Variants in SLIT1 observed in about 807,000 individuals in gnomAD.
SLIT1 encodes slit homolog 1 protein.
In SLIT1, 66 loss-of-function variants were observed where a neutral mutation model predicts 186.1. The ratio of observed to expected loss-of-function variants is 0.35; its 90% CI spans 0.29 to 0.44. The LOEUF (loss-of-function observed/expected upper bound fraction) is 0.44, where lower values mean the gene tolerates loss of function less well. SLIT1 is among the 20% of genes least tolerant of loss of function. SLIT1 has a pLI of 1.00. For missense variants in SLIT1, 1,638 were observed against 2,037.4 expected (o/e 0.80, Z 3.77); for synonymous variants, 761 against 833.8 (o/e 0.91, Z 1.50).
Position 97,002,998 on chromosome 10 carries a change from G to A in SLIT1, c.3866-6C>T. On this transcript the variant is annotated splice_polypyrimidine_tract_variant and splice_region_variant and intron_variant, in intron 34 of 36. Transcript: ENST00000266058. ...GTTGACATCCACGGGCATCCCTGGG[G>A]TAGGGGAGGGAGCAGAGCTGGGCTG... 1 of 1,611,762 alleles carries A rather than the reference G, an allele frequency of 6.2e-7. No homozygotes were observed. The highest frequency in any genetic ancestry group is 1.1e-5 in the South Asian group (1 of 90,746).
At chr10:97,185,378 C>G in intron 1 of SLIT1, 100 bp downstream of exon 1, 1 of 1,188,102 alleles carries the variant, frequency 8.4e-7, no homozygotes, top group East Asian at 2.7e-5. Flanking sequence ...GGAGCCCGGA[C>G]GGGCCCCAAT....
intron 4 of SLIT1, among the ~76,000 whole-genome samples, chr10:97,133,261 A>G (rs1439738968): frequency 6.6e-6 from 1 of 152,224 alleles, no homozygotes; most frequent in Non-Finnish European, 1.5e-5. Context: ...TCATAAAAAG[A>G]TACACACTGG....
At chr10:97,132,123 G>A (rs1564683507) in intron 4 of SLIT1, among the ~76,000 whole-genome samples, 1 of 152,166 alleles carries the variant, frequency 6.6e-6, no homozygotes, top group African/African-American at 2.4e-5. Context: ...GGACCCCTGG[G>A]GTGTCCAAAC....
At chr10:97,144,373 A>T (rs1849795846) in intron 4 of SLIT1, among the ~76,000 whole-genome samples, 1 of 152,248 alleles carries the variant, frequency 6.6e-6, no homozygotes, top group African/African-American at 2.4e-5. Flanking sequence ...AATCTAATGA[A>T]GAACTCTACA....
chr10:97,166,507 ACT>A (rs1439603246), intron 1 of SLIT1, among the ~76,000 whole-genome samples: 1 of 134,126 alleles, frequency 7.5e-6, no homozygotes, highest in Non-Finnish European at 1.6e-5. Context: ...CAAGAACAAA[ACT>A]CTGTCTCCAA....
rs1197240105 is a variant in SLIT1, at chr10:97,043,899, T to C, written c.1854-386A>G. Among the ~76,000 whole-genome samples, 1 of 152,110 alleles carries C rather than the reference T, an allele frequency of 6.6e-6. No individual in the cohort carries two copies. The highest frequency in any genetic ancestry group is 2.4e-5 in the African/African-American group (1 of 41,396). ...TGTCACTCTCCAGCTTAAAGTCCACTAACAGCCTCCAAACTGCCCACCGAG... is the reference window on the plus strand; with the variant it reads ...TGTCACTCTCCAGCTTAAAGTCCACCAACAGCCTCCAAACTGCCCACCGAG... On this transcript the variant is annotated intron_variant, in intron 18 of 36. Coordinates refer to ENST00000266058, the MANE Select transcript of SLIT1 (RefSeq NM_003061.3). This position sits in a 1 kb window ranked among gnomAD's most constrained non-coding sequence, Gnocchi z 7.0.
At position 96,999,680 on chromosome 10, in the gene SLIT1, A is replaced by C. The variant is rs774364495; in HGVS notation, c.*1432T>G. On this transcript the variant is annotated 3_prime_UTR_variant, in exon 37 of 37. Transcript: ENST00000266058. ...ACATTTTCACTGTGTATGGAAGAGA[A>C]GACAACGTGGGCAGGCAATCGTATA... 6.6e-6 allele frequency: 1 copy of C among 152,284 alleles called. No individual in the cohort carries two copies. The highest frequency in any genetic ancestry group is 1.5e-5 in the Non-Finnish European group (1 of 68,078). 9.4% of individuals were successfully genotyped at this position (152,284 alleles called of 1,614,324 possible).
In SLIT1 at chr10:97,113,594, C is replaced by T. The variant is rs144604145; in HGVS notation, c.413+44224G>A. On this transcript the variant is annotated intron_variant, in intron 4 of 36. Transcript: ENST00000266058. Reference sequence around the variant, plus strand: ...TTTGACGGAGTTTTGCTCCTGTTGCCCAGGCTGGAGTGCAATGGTGCGATC... The same window carrying T: ...TTTGACGGAGTTTTGCTCCTGTTGCTCAGGCTGGAGTGCAATGGTGCGATC... Among the ~76,000 whole-genome samples, 29 of 150,810 alleles carry T rather than the reference C, an allele frequency of 1.9e-4. 2 individuals are homozygous for T. In the East Asian group the frequency reaches 5.7e-3, roughly 30 times the overall value.
At chr10:97,146,526 G>C (rs968127397) in intron 4 of SLIT1, among the ~76,000 whole-genome samples, 2 of 151,916 alleles carry the variant, frequency 1.3e-5, no homozygotes, top group African/African-American at 4.8e-5. Flanking sequence ...CTTCTTTAGG[G>C]CTCTGTGACT....
intron 1 of SLIT1, among the ~76,000 whole-genome samples, chr10:97,166,545 A>G (rs1439868750): frequency 5.6e-5 from 2 of 35,934 alleles, no homozygotes; most frequent in Non-Finnish European, 6.9e-5. Context: ...GAAGGAAGGA[A>G]GGAAGGAAGG....
At chr10:97,162,251 T>C (rs780920196) in intron 3 of SLIT1, among the ~76,000 whole-genome samples, 5 of 152,250 alleles carry the variant, frequency 3.3e-5, no homozygotes, top group Non-Finnish European at 7.3e-5. Flanking sequence ...TTCACTGTTC[T>C]TCAGAAATGT....
At position 97,043,955 on chromosome 10, in the gene SLIT1, A is replaced by C. The variant is rs1209922736; in HGVS notation, c.1854-442T>G. The stretch of plus-strand genomic sequence containing the variant: ...CTCGAACTCCTTACTGTGACCTGAG[A>C]CCATGTCTACCCAGACCCGGACCAT... On this transcript the variant is annotated intron_variant, in intron 18 of 36. Coordinates refer to ENST00000266058, the MANE Select transcript of SLIT1 (RefSeq NM_003061.3). This position sits in a 1 kb window ranked among gnomAD's most constrained non-coding sequence, Gnocchi z 7.0. 6.6e-6 allele frequency among the ~76,000 whole-genome samples: 1 copy of C among 152,008 alleles called. No individual in the cohort carries two copies. The highest frequency in any genetic ancestry group is 1.5e-5 in the Non-Finnish European group (1 of 68,004).
In SLIT1 at chr10:97,002,812, T is replaced by C; in HGVS notation, c.4046A>G (p.His1349Arg). Reference sequence around the variant, plus strand: ...GGTGGCATTGGGCTGGCAGATGCCATGCAGGCAGTAGAGCTTGCGGCAGGG... The same window carrying C: ...GGTGGCATTGGGCTGGCAGATGCCACGCAGGCAGTAGAGCTTGCGGCAGGG... ...CEPCRKLYCLHGICQPNATPG... is the reference protein window; with the variant it reads ...CEPCRKLYCLRGICQPNATPG... Residue 1349 changes from histidine to arginine, a missense_variant, in exon 35 of 37, where the codon CAT (histidine) becomes CGT (arginine). Around this residue, in one of 3 missense-constraint regions of SLIT1, gnomAD observed 173 missense variants for 290.9 expected, o/e 0.59. Transcript: ENST00000266058. 1 of 1,614,160 alleles carries C rather than the reference T, an allele frequency of 6.2e-7. No individual in the cohort carries two copies. Among genetic ancestry groups the C allele is most frequent in the Non-Finnish European group, 8.5e-7 (1 of 1,180,008 alleles).
intron 4 of SLIT1, among the ~76,000 whole-genome samples, chr10:97,104,800 C>T (rs1025992328): frequency 6.6e-4 from 100 of 152,308 alleles, no homozygotes; most frequent in African/African-American, 2.3e-3. Flanking sequence ...AGGCCACCTT[C>T]TCCATGAATT....
chr10:97,096,894 C>A (rs939146426), intron 4 of SLIT1, among the ~76,000 whole-genome samples: 1 of 152,196 alleles, frequency 6.6e-6, no homozygotes, highest in Non-Finnish European at 1.5e-5. Context: ...CACCAACAAG[C>A]CCCTCCTGGG....
chr10:97,087,688 T>C (rs1000157997), intron 4 of SLIT1, among the ~76,000 whole-genome samples: 2 of 152,188 alleles, frequency 1.3e-5, no homozygotes, highest in East Asian at 3.9e-4. Flanking sequence ...GTCCTGAGTA[T>C]CTAGGGGGTA....
chr10:97,150,193 G>A (rs559514745), intron 4 of SLIT1, among the ~76,000 whole-genome samples: 2 of 152,176 alleles, frequency 1.3e-5, no homozygotes, highest in Non-Finnish European at 2.9e-5. Flanking sequence ...CTGGTGTCTC[G>A]GGGCATGGCT....
chr10:97,119,618 G>A (rs112318505), intron 4 of SLIT1, among the ~76,000 whole-genome samples: 103 of 151,912 alleles, frequency 6.8e-4, no homozygotes, highest in African/African-American at 2.1e-3. Context: ...CTCAGGAGAC[G>A]GCGCCTTGGG....
At chr10:97,175,730 G>A (rs1181870795) in intron 1 of SLIT1, among the ~76,000 whole-genome samples, 1 of 151,908 alleles carries the variant, frequency 6.6e-6, no homozygotes, top group Non-Finnish European at 1.5e-5. Flanking sequence ...CCACAGCCCT[G>A]CAGCCAGGGC....
Sources: allele counts gnomAD v4.1 joint callset (sites outside exome capture counted in the v4.1 genomes callset), GRCh38; gene constraint gnomAD v4.1.1; regional missense constraint gnomAD v4.1.1; non-coding constraint Gnocchi (gnomAD v3.1); transcripts MANE v1.5; gene names NCBI Gene and HGNC (gene_info 2026-07-23, HGNC 2026-07-21).